Variants in HR observed in about 807,000 individuals in gnomAD.
HR encodes lysine-specific demethylase hairless.
A neutral mutation model predicts 128.6 loss-of-function variants in HR; 83 were observed. That is an observed-to-expected ratio of 0.65 (90% CI 0.54 to 0.77). The LOEUF (loss-of-function observed/expected upper bound fraction) is 0.77. HR is among the 30% of genes least tolerant of loss of function. The pLI, the probability that HR is intolerant of heterozygous loss-of-function variation, is 0.00. For missense variants in HR, 1,490 were observed against 1,574.6 expected, an observed-to-expected ratio of 0.95 and a Z score of 0.91; for synonymous variants, 681 against 658.2, an observed-to-expected ratio of 1.03 and a Z score of -0.53.
Position 22,129,739 on chromosome 8 carries a change from G to A in HR, c.-40-529C>T, listed in dbSNP as rs575451745. 6.6e-5 allele frequency among the ~76,000 whole-genome samples: 10 copies of A among 152,330 alleles called. No homozygotes were observed. In the East Asian group the frequency reaches 1.7e-3, roughly 26 times the overall value. Reference sequence around the variant, plus strand: ...TACAGCCCCAGCCAGGCTTGTAGCCGTGGGAAGTGCAGGCCTGGCAGGCTG... The same window carrying A: ...TACAGCCCCAGCCAGGCTTGTAGCCATGGGAAGTGCAGGCCTGGCAGGCTG... On this transcript the variant is annotated intron_variant, in intron 1 of 18. Coordinates refer to ENST00000381418, the MANE Select transcript of HR (RefSeq NM_005144.5).
rs1826974100 is a variant in HR at position 22,128,880 on chromosome 8, C to G, written c.291G>C (p.Leu97=). The change falls in exon 2 of 19, where the codon CTG becomes CTC. Residue 97 remains leucine, a synonymous_variant. Coordinates refer to ENST00000381418, the MANE Select transcript of HR (RefSeq NM_005144.5). The part of the protein sequence containing the change: ...KVNWLGSKEG[L]RWKEAMLTHP... ...GGGTAAGCATGGCCTCCTTCCAGCG[C>G]AGTCCCTCTTTGCTGCCCAGCCAGT... The G allele has an allele frequency of 6.2e-7, 1 of 1,613,456 alleles. No individual in the cohort carries two copies. Among genetic ancestry groups the G allele is most frequent in the Non-Finnish European group, 8.5e-7 (1 of 1,180,024 alleles).
In HR at chr8:22,127,900, G is replaced by C. The variant is rs1200501697; in HGVS notation, c.613-71C>G. The C allele has an allele frequency of 2.1e-6, 3 of 1,415,238 alleles. No individual in the cohort carries two copies. In the African/African-American group the frequency reaches 4.2e-5, roughly 20 times the overall value. 87.7% of individuals were successfully genotyped at this position (1,415,238 alleles called of 1,614,324 possible). A position where few individuals can be genotyped will look rare whatever the true frequency, so the allele number is the denominator to read the frequency against. The stretch of plus-strand genomic sequence containing the variant: ...CATGCCTAAATGGATGGGCAGAACT[G>C]ACAAGCAAGAAGGAAGGGGAGAATA... On this transcript the variant is annotated intron_variant, in intron 2 of 18. Coordinates refer to ENST00000381418, the MANE Select transcript of HR (RefSeq NM_005144.5).
Position 22,122,861 on chromosome 8 carries a change from G to T in HR, c.1934C>A (p.Ala645Glu), listed in dbSNP as rs770986202. 7 of 1,553,972 alleles carry T rather than the reference G, an allele frequency of 4.5e-6. No individual in the cohort carries two copies. Among genetic ancestry groups the T allele is most frequent in the Non-Finnish European group, 6.1e-6 (7 of 1,148,702 alleles). ...REKAGFQEQSAEECTQEAGHA... is the reference protein window; with the variant it reads ...REKAGFQEQSEEECTQEAGHA... Reference sequence around the variant, plus strand: ...CCCGGCCTCCTGCGTGCACTCCTCCGCGGACTGCTCCTGAAAGCCTGTGGG... The same window carrying T: ...CCCGGCCTCCTGCGTGCACTCCTCCTCGGACTGCTCCTGAAAGCCTGTGGG... The change falls in exon 7 of 19, where the codon GCG becomes GAG. Residue 645 changes from alanine to glutamate, a missense_variant. Ala to Glu is a moderately radical substitution (Grantham distance 107). Coordinates refer to ENST00000381418, the MANE Select transcript of HR (RefSeq NM_005144.5).
In HR at chr8:22,120,183, G is replaced by A. The variant is rs767116700; in HGVS notation, c.2777-10C>T. ...TCTGACTTTGGGCGAACTACAGGAGGAGACAGAACGGCCATTGGCCTCCTC... is the reference window on the plus strand; with the variant it reads ...TCTGACTTTGGGCGAACTACAGGAGAAGACAGAACGGCCATTGGCCTCCTC... On this transcript the variant is annotated splice_polypyrimidine_tract_variant and intron_variant, in intron 12 of 18. Coordinates refer to ENST00000381418, the MANE Select transcript of HR (RefSeq NM_005144.5). 29 of 1,593,532 alleles carry A rather than the reference G, an allele frequency of 1.8e-5. No homozygotes were observed. Among genetic ancestry groups the A allele is most frequent in the Non-Finnish European group, 2.2e-5 (26 of 1,170,714 alleles).
At position 22,120,603 on chromosome 8, in the gene HR, G is replaced by A. The variant is rs577013634; in HGVS notation, c.2611-96C>T. ...TTGTAAGGGCAGTAGAACAGCTCGG[G>A]GACAGCCCTCCTGCTCCCCCTGAGC... On this transcript the variant is annotated intron_variant, in intron 11 of 18. Transcript: ENST00000381418. 8.7e-5 allele frequency: 138 copies of A among 1,588,646 alleles called. 1 individual carries two copies. In the East Asian group the frequency reaches 1.3e-3, roughly 15 times the overall value.
At position 22,127,216 on chromosome 8, in the gene HR, CG is replaced by C; in HGVS notation, c.1225del (p.Arg409GlyfsTer46). On this transcript the variant is annotated frameshift_variant, in exon 3 of 19. Coordinates refer to ENST00000381418, the MANE Select transcript of HR (RefSeq NM_005144.5). LOFTEE classifies it high-confidence loss of function. ...EVEERPVARLRALKRAGSPEV... is the reference protein window; with the variant it reads ...EVEERPVARLXALKRAGSPEV... The stretch of plus-strand genomic sequence containing the variant: ...GGGGCTGCCTGCCCTTTTGAGGGCC[CG>C]GAGCCGAGCAACCGGCCTCTCCTCG... 1 of 1,612,998 alleles carries C rather than the reference CG, an allele frequency of 6.2e-7. No individual in the cohort carries two copies. The highest frequency in any genetic ancestry group is 1.1e-5 in the South Asian group (1 of 91,090).
chr8:22,119,689 C>G (rs1826684401), intron 14 of HR, 71 bp downstream of exon 14: 1 of 1,531,110 alleles, frequency 6.5e-7, no homozygotes, highest in African/African-American at 1.4e-5. Context: ...GGCACAGACG[C>G]TCGTGTGCCC....
rs376900561 is a variant in HR at position 22,121,297 on chromosome 8, C to T, written c.2204-69G>A. On this transcript the variant is annotated intron_variant, in intron 9 of 18. Transcript: ENST00000381418. ...CCTCTTCCCCTCGAGGCCCTCTTGC[C>T]CATGCTGCTCTTCCCTCTCTTCCTG... 2.5e-4 allele frequency: 388 copies of T among 1,565,012 alleles called. 1 individual carries two copies. The African/African-American group carries it at 4.8e-3, about 19-fold the overall frequency.
chr8:22,128,401 T>A lies in HR; in HGVS notation c.612+158A>T, dbSNP rs539012123. On this transcript the variant is annotated intron_variant, in intron 2 of 18. Transcript: ENST00000381418. ...TGGAGCTGCTCAGGGTAGGGCTTGC[T>A]TGGGGTTGACTGTGGGGCCTGGGAC... 4.4e-5 allele frequency: 46 copies of A among 1,034,980 alleles called. No homozygotes were observed. The Admixed American group carries it at 8.3e-4, about 19-fold the overall frequency. The allele number at this position is 1,034,980 out of a possible 1,614,324, so 64.1% of individuals were successfully genotyped here.
At position 22,121,692 on chromosome 8, in the gene HR, C is replaced by T. The variant is rs759295234; in HGVS notation, c.2124G>A (p.Lys708=). The T allele has an allele frequency of 2.5e-6, 4 of 1,614,106 alleles. No homozygotes were observed. The Admixed American group carries it at 5.0e-5, about 20-fold the overall frequency. ...TTGGGGGCGTTTTCTGTGTTGATTC[C>T]TTCTGTTAAACCCATCCACCACCCC... is the stretch of plus-strand genomic sequence containing the variant. The part of the protein sequence containing the change: ...VWAPGDAGQQ[K]ESTQKTPPTP... Residue 708 remains lysine (K), a splice_region_variant and synonymous_variant, in exon 9 of 19, where the codon AAG becomes AAA. Coordinates refer to ENST00000381418, the MANE Select transcript of HR (RefSeq NM_005144.5).
At chr8:22,118,409 C>A (rs1826645922) in intron 16 of HR, 1 of 160,748 alleles carries the variant, frequency 6.2e-6, no homozygotes, top group Admixed American at 6.0e-5. Context: ...CTTGCTAGCC[C>A]CTCCGGGAGC....
intron 16 of HR, 35 bp downstream of exon 16, chr8:22,118,915 G>T (rs573836097): frequency 1.3e-6 from 2 of 1,557,760 alleles, no homozygotes; most frequent in Admixed American, 1.7e-5. Context: ...AGGGCTGGGC[G>T]GGGGGAAGGG....
intron 3 of HR, among the ~76,000 whole-genome samples, 186 bp from the exon 4 acceptor site, chr8:22,125,918 G>T (rs770467819): frequency 2.0e-5 from 3 of 152,244 alleles, no homozygotes; most frequent in Non-Finnish European, 4.4e-5. Flanking sequence ...GCCAGGCTGA[G>T]CAGGGAGTCT....
Position 22,123,784 on chromosome 8 carries a change from G to C in HR, c.1780C>G (p.Pro594Ala). ...CGGCTGCAGCAGCGTGGAATGCCTG[G>C]GCTGTCCTCTGTCACGGCTGGCCCT... is the stretch of plus-strand genomic sequence containing the variant. ...GQGPAVTEDSPGIPRCCSRCH... is the reference protein window; with the variant it reads ...GQGPAVTEDSAGIPRCCSRCH... The change falls in exon 6 of 19, where the codon CCA (proline) becomes GCA (alanine). Residue 594 changes from proline to alanine, a missense_variant. Transcript: ENST00000381418. The C allele has an allele frequency of 1.9e-6, 3 of 1,604,172 alleles. No homozygotes were observed. Among genetic ancestry groups the C allele is most frequent in the Non-Finnish European group, 2.5e-6 (3 of 1,177,944 alleles).
intron 6 of HR, 32 bp downstream of exon 6, chr8:22,123,617 T>TTGGGGGCGCC: frequency 6.8e-6 from 2 of 292,092 alleles, no homozygotes; most frequent in Non-Finnish European, 1.2e-5. Context: ...GAGGGCTCCA[T>TTGGGGGCGCC]CCCGCCCTCC....
In HR at chr8:22,123,782, TG is replaced by T; in HGVS notation, c.1781del (p.Pro594GlnfsTer66). 1 of 1,604,132 alleles carries T rather than the reference TG, an allele frequency of 6.2e-7. No homozygotes were observed. On this transcript the variant is annotated frameshift_variant, in exon 6 of 19. Transcript: ENST00000381418. LOFTEE classifies it high-confidence loss of function. Reference protein sequence around the residue: ...GQGPAVTEDSPGIPRCCSRCH... With the variant: ...GQGPAVTEDSXGIPRCCSRCH... ...AACGGCTGCAGCAGCGTGGAATGCCTGGGCTGTCCTCTGTCACGGCTGGCCC... is the reference window on the plus strand; with the variant it reads ...AACGGCTGCAGCAGCGTGGAATGCCTGGCTGTCCTCTGTCACGGCTGGCCC...
In HR at chr8:22,122,819, A is replaced by G; in HGVS notation, c.1976T>C (p.Leu659Pro). The change falls in exon 7 of 19, where the codon CTG (leucine) becomes CCG (proline). Residue 659 changes from leucine (L) to proline (P), a missense_variant. Leu to Pro is a moderately conservative substitution (Grantham distance 98, BLOSUM62 -3). This residue lies in a region of HR where 1,060 missense variants were observed against 1,060.9 expected (regional missense o/e 1.00). Transcript: ENST00000381418. Reference sequence around the variant, plus strand: ...GCTGGAGACAAACTGGGTCAGCATCAGGGAACAGGCAGCGTGCCCGGCCTC... The same window carrying G: ...GCTGGAGACAAACTGGGTCAGCATCGGGGAACAGGCAGCGTGCCCGGCCTC... ...TQEAGHAACSLMLTQFVSSQA... is the reference protein window; with the variant it reads ...TQEAGHAACSPMLTQFVSSQA... 2 of 1,555,860 alleles carry G rather than the reference A, an allele frequency of 1.3e-6. No individual in the cohort carries two copies. Among genetic ancestry groups the G allele is most frequent in the Non-Finnish European group, 1.7e-6 (2 of 1,149,846 alleles).
rs915182553 is a variant in HR at position 22,116,998 on chromosome 8, T to G, written c.3255A>C (p.Pro1085=). 6.5e-7 allele frequency: 1 copy of G among 1,528,030 alleles called. No individual in the cohort carries two copies. Among genetic ancestry groups the G allele is most frequent in the African/African-American group, 1.4e-5 (1 of 72,986 alleles). 94.7% of individuals were successfully genotyped at this position (1,528,030 alleles called of 1,614,324 possible). The change falls in exon 17 of 19, where the codon CCA becomes CCC. Residue 1085 remains proline, a synonymous_variant. Transcript: ENST00000381418. This position sits in a 1 kb window ranked among gnomAD's most constrained non-coding sequence, Gnocchi z 4.2. ...AGAGALEPGA[P]GSCYLDAGLR... Reference sequence around the variant, plus strand: ...GCCCTGCATCCAGGTAGCAGCTGCCTGGGGCGCCAGGCTCCAGGGCGCCTG... The same window carrying G: ...GCCCTGCATCCAGGTAGCAGCTGCCGGGGGCGCCAGGCTCCAGGGCGCCTG...
intron 3 of HR, among the ~76,000 whole-genome samples, chr8:22,126,608 C>T (rs1826896529): frequency 6.6e-6 from 1 of 152,238 alleles, no homozygotes; most frequent in Non-Finnish European, 1.5e-5. Flanking sequence ...CTTCCAAGCC[C>T]TTGCTATGAA....
Sources: allele counts gnomAD v4.1 joint callset (sites outside exome capture counted in the v4.1 genomes callset), GRCh38; gene constraint gnomAD v4.1.1; regional missense constraint gnomAD v4.1.1; non-coding constraint Gnocchi (gnomAD v3.1); transcripts MANE v1.5; gene names NCBI Gene and HGNC (gene_info 2026-07-23, HGNC 2026-07-21).